Variants in ADGRL1 observed in about 807,000 individuals in gnomAD.
ADGRL1 encodes the protein CIRL-1.
A neutral mutation model predicts 148.9 loss-of-function variants in ADGRL1; 31 were observed. The ratio of observed to expected loss-of-function variants is 0.21; its 90% CI spans 0.16 to 0.28. The LOEUF is 0.28. Ranked by LOEUF, ADGRL1 falls within the 10% of genes least tolerant of loss-of-function variation. The probability of loss-of-function intolerance (pLI) is 1.00; values close to 1 mark genes in which losing one functional copy is unlikely to be tolerated. For missense variants in ADGRL1, 1,521 were observed against 2,058.8 expected (o/e 0.74, Z 5.05); for synonymous variants, 937 against 900.3 (o/e 1.04, Z -0.73).
Position 14,155,813 on chromosome 19 carries a change from T to G in ADGRL1, c.3126-286A>C. 1.7e-6 allele frequency: 1 copy of G among 576,492 alleles called. No homozygotes were observed. Among genetic ancestry groups the G allele is most frequent in the Non-Finnish European group, 3.1e-6 (1 of 323,182 alleles). The allele number at this position is 576,492 out of a possible 1,614,324, so 35.7% of individuals were successfully genotyped here. On this transcript the variant is annotated intron_variant, in intron 17 of 22. Transcript: ENST00000361434. The surrounding 1 kb of genome is among the most constrained non-coding windows in gnomAD (Gnocchi z 5.0). Reference sequence around the variant, plus strand: ...CTAAATTTCCAGACCACTTAGGCTATATTTGCTGCCTATTTCTCTTTAAGT... The same window carrying G: ...CTAAATTTCCAGACCACTTAGGCTAGATTTGCTGCCTATTTCTCTTTAAGT...
In ADGRL1 at chr19:14,155,518, C is replaced by G; in HGVS notation, c.3135G>C (p.Ala1045=). 1 of 1,613,522 alleles carries G rather than the reference C, an allele frequency of 6.2e-7. No individual in the cohort carries two copies. The highest frequency in any genetic ancestry group is 8.5e-7 in the Non-Finnish European group (1 of 1,179,846). The change falls in exon 18 of 23, where the codon GCG becomes GCC. Residue 1045 remains alanine, a synonymous_variant. Coordinates refer to ENST00000361434, the MANE Select transcript of ADGRL1 (RefSeq NM_014921.5). This position sits in a 1 kb window ranked among gnomAD's most constrained non-coding sequence, Gnocchi z 5.0. ...SSRLDNIKSW[A]LGAIALLFLL... ...GGAACAGCAGCGCGATGGCCCCCAG[C>G]GCCCAGGATCTGGGAGTGGGGCGAC... is the stretch of plus-strand genomic sequence containing the variant.
chr19:14,166,934 C>T (rs966140973), intron 4 of ADGRL1: 149 of 1,391,678 alleles, frequency 1.1e-4, no homozygotes, highest in Non-Finnish European at 1.4e-4. Context: ...AAGAAGGGGC[C>T]GGGGGAGGGC....
rs1407302546 is a variant in ADGRL1 at position 14,151,292 on chromosome 19, G to A, written c.3991C>T (p.Leu1331Phe). Residue 1331 changes from leucine (L) to phenylalanine (F), a missense_variant, in exon 23 of 23, where the codon CTC becomes TTC. Around this residue, in one of 8 missense-constraint regions of ADGRL1, gnomAD observed 390 missense variants for 375.0 expected, o/e 1.04. Transcript: ENST00000361434. The stretch of plus-strand genomic sequence containing the variant: ...AGAGGCTCCTCCAGGGCCTTATAGA[G>A]AAGTTCAATCTCGGCCCGGTCAGCA... ...GGADRAEIELLYKALEEPLLL... is the reference protein window; with the variant it reads ...GGADRAEIELFYKALEEPLLL... The A allele has an allele frequency of 3.7e-6, 6 of 1,611,154 alleles. No homozygotes were observed. Among genetic ancestry groups the A allele is most frequent in the Non-Finnish European group, 4.2e-6 (5 of 1,179,318 alleles).
chr19:14,182,333 C>T (rs569167102), intron 2 of ADGRL1, among the ~76,000 whole-genome samples: 120 of 152,326 alleles, frequency 7.9e-4, no homozygotes, highest in Non-Finnish European at 1.4e-3. Flanking sequence ...CCTTCTGTGA[C>T]GCTGGTTCCA....
intron 1 of ADGRL1, among the ~76,000 whole-genome samples, chr19:14,189,037 C>T (rs919070048): frequency 6.6e-6 from 1 of 152,162 alleles, no homozygotes; most frequent in African/African-American, 2.4e-5. Context: ...CAGGCATGAG[C>T]CATCGTGCCC....
Position 14,159,751 on chromosome 19 carries a change from C to T in ADGRL1, c.1823G>A (p.Cys608Tyr), listed in dbSNP as rs144100582. 3 of 1,613,908 alleles carry T rather than the reference C, an allele frequency of 1.9e-6. No homozygotes were observed. The highest frequency in any genetic ancestry group is 1.3e-5 in the African/African-American group (1 of 74,916). Residue 608 changes from cysteine (C) to tyrosine (Y), a missense_variant, in exon 9 of 23, where the codon TGT (cysteine) becomes TAT (tyrosine). Cys to Tyr is a radical substitution (Grantham distance 194, BLOSUM62 -2). Around this residue, in one of 8 missense-constraint regions of ADGRL1, gnomAD observed 265 missense variants for 431.9 expected, o/e 0.61. Coordinates refer to ENST00000361434, the MANE Select transcript of ADGRL1 (RefSeq NM_014921.5). This position sits in a 1 kb window ranked among gnomAD's most constrained non-coding sequence, Gnocchi z 6.0. ...YNKMHKRERT[C>Y]KDYIKAVVET... ...GGGTCTCACCTTGATATAATCCTTA[C>T]AAGTTCTCTCTCGCTTGTGCATCTA...
At position 14,152,301 on chromosome 19, in the gene ADGRL1, G is replaced by A. The variant is rs764455773; in HGVS notation, c.3649+8C>T. On this transcript the variant is annotated splice_region_variant and intron_variant, in intron 21 of 22. Transcript: ENST00000361434. This position sits in a 1 kb window ranked among gnomAD's most constrained non-coding sequence, Gnocchi z 6.1. ...TCCCAACCTGGGATGTTTCCCCCGT[G>A]CTCTCACCTGGGGAGTTGAAGACAG... 1 of 1,601,946 alleles carries A rather than the reference G, an allele frequency of 6.2e-7. No homozygotes were observed. Among genetic ancestry groups the A allele is most frequent in the South Asian group, 1.1e-5 (1 of 89,318 alleles).
At chr19:14,158,849 C>T (rs1225738453) in intron 11 of ADGRL1, among the ~76,000 whole-genome samples, 1 of 152,254 alleles carries the variant, frequency 6.6e-6, no homozygotes, top group African/African-American at 2.4e-5. Flanking sequence ...CTCTCTGAGC[C>T]TTCATCTCAA....
chr19:14,155,342 C>T lies in ADGRL1; in HGVS notation c.3294+17G>A. The T allele has an allele frequency of 1.2e-6, 2 of 1,612,092 alleles. No homozygotes were observed. The highest frequency in any genetic ancestry group is 1.7e-6 in the Non-Finnish European group (2 of 1,178,692). On this transcript the variant is annotated intron_variant, in intron 18 of 22. Transcript: ENST00000361434. This position sits in a 1 kb window ranked among gnomAD's most constrained non-coding sequence, Gnocchi z 5.0. Reference sequence around the variant, plus strand: ...CTCCAAGGGAGGCTGTGACCCAGGACCCCGCCTCGACCTCACCTTCTTCTG... The same window carrying T: ...CTCCAAGGGAGGCTGTGACCCAGGATCCCGCCTCGACCTCACCTTCTTCTG...
Position 14,150,926 on chromosome 19 carries a change from C to A in ADGRL1, c.4357G>T (p.Glu1453Ter). ...CCGTCCCCATCGGGCCCTGGCCCCT[C>A]AAGGCCTGGGGCTGCCAGGTAGCCC... is the stretch of plus-strand genomic sequence containing the variant. ...HEGYLAAPGL[E>*]GPGPDGDGQM... Residue 1453 changes from glutamate to a stop codon, truncating the protein, a stop_gained, in exon 23 of 23, where the codon GAG (glutamate) becomes TAG (stop). Transcript: ENST00000361434. LOFTEE classifies it high-confidence loss of function. The A allele has an allele frequency of 6.2e-7, 1 of 1,611,812 alleles. No homozygotes were observed. The highest frequency in any genetic ancestry group is 8.5e-7 in the Non-Finnish European group (1 of 1,179,614).
chr19:14,186,803 C>T (rs2145061802), intron 1 of ADGRL1, among the ~76,000 whole-genome samples: 1 of 152,272 alleles, frequency 6.6e-6, no homozygotes, highest in East Asian at 1.9e-4. Flanking sequence ...CTGAAACATT[C>T]AACATTCCAG....
In ADGRL1 at chr19:14,152,320, A is replaced by G. The variant is rs1189935892; in HGVS notation, c.3638T>C (p.Phe1213Ser). The change falls in exon 21 of 23, where the codon TTC (phenylalanine) becomes TCC (serine). Residue 1213 changes from phenylalanine to serine, a missense_variant. Coordinates refer to ENST00000361434, the MANE Select transcript of ADGRL1 (RefSeq NM_014921.5). This position sits in a 1 kb window ranked among gnomAD's most constrained non-coding sequence, Gnocchi z 6.1. ...CCCCGTGCTCTCACCTGGGGAGTTG[A>G]AGACAGGGGGCGAGGAGGGATTGAA... The part of the protein sequence containing the change: ...VGFNPSSPPV[F>S]NSPGSYREPK... 1.3e-6 allele frequency: 2 copies of G among 1,597,644 alleles called. No homozygotes were observed. The highest frequency in any genetic ancestry group is 1.1e-5 in the South Asian group (1 of 88,706).
At chr19:14,167,068 GAA>G in intron 4 of ADGRL1, 4 of 1,426,710 alleles carry the variant, frequency 2.8e-6, no homozygotes, top group Non-Finnish European at 3.8e-6. Flanking sequence ...AAAACAAATT[GAA>G]AAAAAAAATG....
Position 14,159,505 on chromosome 19 carries a change from A to G in ADGRL1, c.1919T>C (p.Val640Ala), listed in dbSNP as rs1299944781. 5.6e-6 allele frequency: 9 copies of G among 1,612,802 alleles called. No homozygotes were observed. Among genetic ancestry groups the G allele is most frequent in the Non-Finnish European group, 5.9e-6 (7 of 1,179,460 alleles). The change falls in exon 10 of 23, where the codon GTG (valine) becomes GCG (alanine). Residue 640 changes from valine (V) to alanine (A), a missense_variant. By Grantham distance (64) the Val-to-Ala change is moderately conservative. Around this residue, in one of 8 missense-constraint regions of ADGRL1, gnomAD observed 265 missense variants for 431.9 expected, o/e 0.61. Coordinates refer to ENST00000361434, the MANE Select transcript of ADGRL1 (RefSeq NM_014921.5). The surrounding 1 kb of genome is among the most constrained non-coding windows in gnomAD (Gnocchi z 6.0). The part of the protein sequence containing the change: ...SWKDMNATEQ[V>A]HTATMLLDVL... The stretch of plus-strand genomic sequence containing the variant: ...GTCGAGGAGCATGGTGGCCGTGTGC[A>G]CCTGCTCCGTGGCATTCATGTCCTT...
chr19:14,186,111 T>G (rs187463514), intron 1 of ADGRL1, among the ~76,000 whole-genome samples: 76 of 152,248 alleles, frequency 5.0e-4, no homozygotes, highest in Non-Finnish European at 1.2e-4. Context: ...CAGGCTGGAG[T>G]GCAGTGGTGA....
At chr19:14,182,741 G>T (rs2145016569) in intron 2 of ADGRL1, among the ~76,000 whole-genome samples, 1 of 152,348 alleles carries the variant, frequency 6.6e-6, no homozygotes, top group East Asian at 1.9e-4. Flanking sequence ...GCAGGACCTG[G>T]ATGGGCAGAG....
chr19:14,180,319 G>C (rs1026081981), intron 2 of ADGRL1, among the ~76,000 whole-genome samples: 1 of 152,024 alleles, frequency 6.6e-6, no homozygotes, highest in Non-Finnish European at 1.5e-5. Flanking sequence ...GGAATGGCGC[G>C]ATCTCAGCTC....
chr19:14,167,312 G>A lies in ADGRL1; in HGVS notation c.394+3370C>T, dbSNP rs1599440763. ...ACACACACAGGAGGGAGAAGACACA[G>A]AAAGACACAGGGGTGGTAGGGGGGT... On this transcript the variant is annotated intron_variant, in intron 4 of 22. Coordinates refer to ENST00000361434, the MANE Select transcript of ADGRL1 (RefSeq NM_014921.5). Among the ~76,000 whole-genome samples the A allele has an allele frequency of 2.6e-5, 4 of 151,968 alleles. No homozygotes were observed. In the South Asian group the frequency reaches 6.2e-4, roughly 24 times the overall value.
At chr19:14,180,841 A>G (rs545805074) in intron 2 of ADGRL1, among the ~76,000 whole-genome samples, 2 of 152,300 alleles carry the variant, frequency 1.3e-5, no homozygotes, top group South Asian at 2.1e-4. Context: ...GGAGTGAGCC[A>G]GTGCACCTGG....
Sources: allele counts gnomAD v4.1 joint callset (sites outside exome capture counted in the v4.1 genomes callset), GRCh38; gene constraint gnomAD v4.1.1; regional missense constraint gnomAD v4.1.1; non-coding constraint Gnocchi (gnomAD v3.1); transcripts MANE v1.5; gene names NCBI Gene and HGNC (gene_info 2026-07-23, HGNC 2026-07-21).